The following EPHB2 variants were observed in gnomAD, a reference collection of about 807,000 sequenced individuals.
EPHB2 encodes the protein ephrin type-B receptor 2.
Under a neutral mutation model 96.4 loss-of-function variants are expected in EPHB2, and 18 were observed. The observed-to-expected ratio is 0.19, with a 90% CI of 0.13 to 0.28. The LOEUF (loss-of-function observed/expected upper bound fraction) is 0.28. Among genes scored for constraint, EPHB2 ranks in the 10% least tolerant of loss-of-function variants. The pLI, the probability that EPHB2 is intolerant of heterozygous loss-of-function variation, is 1.00. For synonymous variants in EPHB2, 506 were observed against 534.1 expected (o/e 0.95, Z 0.72); for missense variants, 989 against 1,355.4 (o/e 0.73, Z 4.25).
At chr1:22,799,085 G>A (rs1644806627) in intron 3 of EPHB2, among the ~76,000 whole-genome samples, 1 of 152,164 alleles carries the variant, frequency 6.6e-6, no homozygotes, top group Admixed American at 6.5e-5. Flanking sequence ...TAGTGCAGGA[G>A]CAGCTCACAA....
chr1:22,913,690 G>A lies in EPHB2; in HGVS notation c.*120G>A, dbSNP rs764204919. On this transcript the variant is annotated 3_prime_UTR_variant, in exon 16 of 16. Transcript: ENST00000374630. This position sits in a 1 kb window ranked among gnomAD's most constrained non-coding sequence, Gnocchi z 4.1. ...CACTCGCCAGGAGGCCACGGGCCAC[G>A]GGAAGAACCAAGCGGTGCCAGCCAC... 9.4e-6 allele frequency: 15 copies of A among 1,603,606 alleles called. No individual in the cohort carries two copies. In the Middle Eastern group the frequency reaches 5.0e-4, roughly 53 times the overall value.
At chr1:22,825,421 G>T (rs1341136853) in intron 3 of EPHB2, among the ~76,000 whole-genome samples, 1 of 149,678 alleles carries the variant, frequency 6.7e-6, no homozygotes, top group Non-Finnish European at 1.5e-5. Flanking sequence ...AGTGGAGAGG[G>T]CTGGGAAGGA....
chr1:22,857,661 T>G (rs937355237), intron 3 of EPHB2, among the ~76,000 whole-genome samples: 2 of 151,942 alleles, frequency 1.3e-5, no homozygotes, highest in Admixed American at 6.6e-5. Flanking sequence ...GGAGAACAAA[T>G]GGGAGGCAGA....
chr1:22,778,908 CT>C (rs901078987), intron 1 of EPHB2, among the ~76,000 whole-genome samples: 1 of 152,234 alleles, frequency 6.6e-6, no homozygotes, highest in African/African-American at 2.4e-5. Context: ...CTGGCCCCTC[CT>C]TCTCTGGGCC....
intron 1 of EPHB2, among the ~76,000 whole-genome samples, chr1:22,713,340 C>G (rs1041726292): frequency 6.6e-6 from 1 of 152,162 alleles, no homozygotes; most frequent in Admixed American, 6.5e-5. Context: ...CAGGTCCCTT[C>G]CCTGTGGGGG....
intron 9 of EPHB2, among the ~76,000 whole-genome samples, chr1:22,905,650 G>A (rs771387321): frequency 2.4e-4 from 37 of 152,066 alleles, no homozygotes; most frequent in Non-Finnish European, 4.0e-4. Context: ...CTATCGATCC[G>A]TTTATCCATC....
At chr1:22,773,651 C>A (rs1644408707) in intron 1 of EPHB2, among the ~76,000 whole-genome samples, 1 of 152,238 alleles carries the variant, frequency 6.6e-6, no homozygotes, top group African/African-American at 2.4e-5. Context: ...TCAGAGCAGA[C>A]CACATCACTA....
At chr1:22,861,022 G>T (rs1455492663) in intron 3 of EPHB2, among the ~76,000 whole-genome samples, 1 of 152,186 alleles carries the variant, frequency 6.6e-6, no homozygotes, top group Non-Finnish European at 1.5e-5. Flanking sequence ...TGAGAACAAT[G>T]TAGCTCAGAG....
At chr1:22,815,548 G>A (rs1010159782) in intron 3 of EPHB2, among the ~76,000 whole-genome samples, 4 of 152,218 alleles carry the variant, frequency 2.6e-5, no homozygotes, top group Admixed American at 6.5e-5. Context: ...GCCAGCCCAC[G>A]CTGGAGGCTG....
At chr1:22,825,496 C>T (rs761790652) in intron 3 of EPHB2, among the ~76,000 whole-genome samples, 2 of 152,220 alleles carry the variant, frequency 1.3e-5, no homozygotes, top group Non-Finnish European at 2.9e-5. Context: ...TCAGGCCTAG[C>T]TTTGCTGCTA....
intron 3 of EPHB2, among the ~76,000 whole-genome samples, chr1:22,807,894 G>A (rs1644949093): frequency 6.6e-6 from 1 of 152,200 alleles, no homozygotes; most frequent in African/African-American, 2.4e-5. Context: ...AGCACTTTAG[G>A]AGGCCGAGGC....
intron 1 of EPHB2, among the ~76,000 whole-genome samples, chr1:22,765,954 C>T (rs1173562184): frequency 6.6e-6 from 1 of 152,160 alleles, no homozygotes; most frequent in African/African-American, 2.4e-5. Flanking sequence ...CTTCCCTGCT[C>T]CTTCAGTTGG....
chr1:22,738,023 A>G (rs554374292), intron 1 of EPHB2, among the ~76,000 whole-genome samples: 59 of 152,292 alleles, frequency 3.9e-4, no homozygotes, highest in African/African-American at 1.4e-3. Context: ...GAGGTCTTGG[A>G]GTTCATGCTC....
chr1:22,741,689 C>CAAAA (rs1553160119), intron 1 of EPHB2, among the ~76,000 whole-genome samples: 1 of 126,562 alleles, frequency 7.9e-6, no homozygotes, highest in African/African-American at 3.1e-5. Flanking sequence ...CAAAAAAAAA[C>CAAAA]AAAAAAACAA....
chr1:22,839,960 G>A lies in EPHB2; in HGVS notation c.812-23077G>A, dbSNP rs192782460. On this transcript the variant is annotated intron_variant, in intron 3 of 15. Coordinates refer to ENST00000374630, the MANE Select transcript of EPHB2 (RefSeq NM_017449.5). Reference sequence around the variant, plus strand: ...AACATAGGTCTAGGCTGGGAGCCCGGATAGGGCAGGGACTGGATCTCATTT... The same window carrying A: ...AACATAGGTCTAGGCTGGGAGCCCGAATAGGGCAGGGACTGGATCTCATTT... 4.8e-3 allele frequency among the ~76,000 whole-genome samples: 724 copies of A among 152,342 alleles called. 6 individuals carry two copies. The highest frequency in any genetic ancestry group is 0.016 in the African/African-American group (662 of 41,574).
Position 22,906,190 on chromosome 1 carries a change from AAGGT to A in EPHB2, c.1888+85_1888+88del. 2.5e-6 allele frequency: 4 copies of A among 1,605,460 alleles called. No individual in the cohort carries two copies. The highest frequency in any genetic ancestry group is 3.4e-6 in the Non-Finnish European group (4 of 1,175,604). The stretch of plus-strand genomic sequence containing the variant: ...ACCCCAATGTATACCCTTGGGGCAG[AAGGT>A]AGGATGTGGGACAGGCGCCTCAAAG... On this transcript the variant is annotated intron_variant, in intron 10 of 15. Transcript: ENST00000374630. This position sits in a 1 kb window ranked among gnomAD's most constrained non-coding sequence, Gnocchi z 4.8.
In EPHB2 at chr1:22,875,628, C is replaced by T. The variant is rs953550569; in HGVS notation, c.1304-6731C>T. On this transcript the variant is annotated intron_variant, in intron 5 of 15. Transcript: ENST00000374630. The surrounding 1 kb of genome is among the most constrained non-coding windows in gnomAD (Gnocchi z 4.2). ...TTCTCCCTTCCTTCCTCCTTCCTTC[C>T]TCACTTTCTCCCTTCCTTCCTCCTT... 6.6e-6 allele frequency among the ~76,000 whole-genome samples: 1 copy of T among 152,138 alleles called. No homozygotes were observed. Among genetic ancestry groups the T allele is most frequent in the East Asian group, 1.9e-4 (1 of 5,188 alleles).
intron 6 of EPHB2, among the ~76,000 whole-genome samples, chr1:22,883,937 C>T (rs1206879967): frequency 6.6e-6 from 1 of 152,158 alleles, no homozygotes; most frequent in Non-Finnish European, 1.5e-5. Context: ...TGCCCTGGCC[C>T]CCAAACACCT....
At chr1:22,853,838 T>A (rs1645660841) in intron 3 of EPHB2, among the ~76,000 whole-genome samples, 1 of 151,988 alleles carries the variant, frequency 6.6e-6, no homozygotes, top group South Asian at 2.1e-4. Flanking sequence ...CACCGAAGGG[T>A]CCTGAGCAGA....
Sources: gnomAD v4.1 joint callset for allele counts (sites outside exome capture counted in the v4.1 genomes callset) on GRCh38, gnomAD v4.1.1 for gene constraint, Gnocchi (gnomAD v3.1) non-coding constraint, MANE v1.5 for transcripts, NCBI Gene and HGNC (gene_info 2026-07-23, HGNC 2026-07-21) for gene names.